The following LRTM3 variants were observed in gnomAD, a reference collection of about 807,000 sequenced individuals.
The protein encoded by LRTM3 is leucine rich repeat transmembrane protein 3, also known as leucine-rich repeat transmembrane protein 3.
the LRTM3 span, chr13:102,734,932 A>G: frequency 1.9e-5 from 30 of 1,551,192 alleles, no homozygotes; most frequent in Middle Eastern, 1.7e-4. Flanking sequence ...AGATTAAAAT[A>G]TCACCAGCAA....
the LRTM3 span, among the ~76,000 whole-genome samples, chr13:102,751,306 A>G: frequency 6.6e-6 from 1 of 151,136 alleles, no homozygotes; most frequent in Non-Finnish European, 1.5e-5. Flanking sequence ...TGCTTAAGCC[A>G]ATTATTTAAA....
chr13:102,758,907 T>C, the LRTM3 span: 11 of 1,540,082 alleles, frequency 7.1e-6, no homozygotes, highest in South Asian at 1.1e-4. Context: ...TACCCCTTTT[T>C]TAAAGGAATA....
the LRTM3 span, chr13:102,738,576 G>A: frequency 6.5e-7 from 1 of 1,550,322 alleles, no homozygotes; most frequent in South Asian, 1.2e-5. Flanking sequence ...TTTTGCCTCT[G>A]TTCTTTTTGC....
chr13:102,735,043 C>T, the LRTM3 span: 3 of 1,551,190 alleles, frequency 1.9e-6, no homozygotes, highest in East Asian at 4.9e-5. Flanking sequence ...CCTCCTGAAA[C>T]CCTGTATTCA....
chr13:102,758,644 T>C, the LRTM3 span: 4 of 1,513,826 alleles, frequency 2.6e-6, no homozygotes, highest in African/African-American at 5.6e-5. Flanking sequence ...TTTTACAAAT[T>C]ATTCTTATGT....
chr13:102,747,210 T>G, the LRTM3 span: 3 of 1,550,712 alleles, frequency 1.9e-6, no homozygotes, highest in East Asian at 7.3e-5. Flanking sequence ...TTGATATGAC[T>G]GTGATTCTCT....
At chr13:102,744,081 G>T in the LRTM3 span, 2 of 1,549,832 alleles carry the variant, frequency 1.3e-6, no homozygotes, top group Middle Eastern at 3.3e-4. Flanking sequence ...GTGGCACTGA[G>T]TAATGCCTCT....
At chr13:102,737,188 T>C in the LRTM3 span, 1 of 1,551,124 alleles carries the variant, frequency 6.4e-7, no homozygotes, top group South Asian at 1.2e-5. Context: ...TTCCTCTATC[T>C]ACTTCTTTCT....
chr13:102,730,345 A>G, the LRTM3 span: 1 of 1,551,136 alleles, frequency 6.4e-7, no homozygotes, highest in Non-Finnish European at 8.7e-7. Flanking sequence ...CAAGACATGA[A>G]CACTCGTCCA....
the LRTM3 span, chr13:102,732,780 T>C: frequency 6.4e-7 from 1 of 1,551,376 alleles, no homozygotes; most frequent in South Asian, 1.2e-5. Flanking sequence ...AAAGCTCTGT[T>C]TGTGCCTATT....
chr13:102,749,056 G>A, the LRTM3 span: 1 of 1,550,432 alleles, frequency 6.4e-7, no homozygotes, highest in Non-Finnish European at 8.7e-7. Flanking sequence ...GAATAAGCTT[G>A]GAAACAGAAA....
the LRTM3 span, chr13:102,745,311 G>A: frequency 6.4e-7 from 1 of 1,550,652 alleles, no homozygotes; most frequent in Non-Finnish European, 8.7e-7. Flanking sequence ...CTATCTTCAT[G>A]TGGAGATGTA....
the LRTM3 span, chr13:102,745,640 G>A: frequency 1.8e-5 from 28 of 1,551,068 alleles, no homozygotes; most frequent in South Asian, 3.1e-4. Flanking sequence ...CGTTTTAGGT[G>A]TAGATAAAGC....
chr13:102,755,422 T>C, the LRTM3 span, among the ~76,000 whole-genome samples: 1 of 152,266 alleles, frequency 6.6e-6, no homozygotes, highest in Non-Finnish European at 1.5e-5. Context: ...AATGATAGAC[T>C]GGATAAAAAA....
chr13:102,740,845 C>A, the LRTM3 span: 5 of 1,549,842 alleles, frequency 3.2e-6, no homozygotes, highest in Non-Finnish European at 4.4e-6. Context: ...CTTTCTTTAC[C>A]TTTGGTGACT....
chr13:102,744,330 CTGTT>C, the LRTM3 span: 285 of 1,550,344 alleles, frequency 1.8e-4, no homozygotes, highest in Non-Finnish European at 2.1e-4. Context: ...GGTTTTAAGA[CTGTT>C]TGTAAGTTTT....
chr13:102,738,649 T>C, the LRTM3 span: 1 of 1,550,484 alleles, frequency 6.4e-7, no homozygotes, highest in Non-Finnish European at 8.7e-7. Context: ...ACTTTTCATA[T>C]GCTGTTTTCT....
chr13:102,735,044 C>T, the LRTM3 span: 1 of 1,551,146 alleles, frequency 6.4e-7, no homozygotes, highest in African/African-American at 1.4e-5. Context: ...CTCCTGAAAC[C>T]CTGTATTCAC....
At chr13:102,744,685 G>A in the LRTM3 span, 12 of 1,550,816 alleles carry the variant, frequency 7.7e-6, no homozygotes, top group East Asian at 7.3e-5. Flanking sequence ...TGAAACGGAG[G>A]TGTTGACTAT....
Sources: allele counts gnomAD v4.1 joint callset (sites outside exome capture counted in the v4.1 genomes callset), GRCh38; gene constraint gnomAD v4.1.1; transcripts MANE v1.5; gene names NCBI Gene and HGNC (gene_info 2026-07-23, HGNC 2026-07-21).